Variants in NXN observed in about 807,000 individuals in gnomAD.
NXN encodes the protein nucleoredoxin 1.
In NXN, 16 loss-of-function variants were observed where a neutral mutation model predicts 48.6. The ratio of observed to expected loss-of-function variants is 0.33; its 90% confidence interval spans 0.22 to 0.50. NXN has a LOEUF of 0.50. Among genes scored for constraint, NXN ranks in the 20% least tolerant of loss-of-function variants. The probability of loss-of-function intolerance (pLI) is 0.98; values close to 1 mark genes in which losing one functional copy is unlikely to be tolerated. For missense variants in NXN, 492 were observed against 605.5 expected, an observed-to-expected ratio of 0.81 and a Z score of 1.97; for synonymous variants, 281 against 269.6, an observed-to-expected ratio of 1.04 and a Z score of -0.41.
intron 5 of NXN, among the ~76,000 whole-genome samples, chr17:813,614 C>T (rs546018802): frequency 6.6e-6 from 1 of 152,356 alleles, no homozygotes; most frequent in South Asian, 2.1e-4. Flanking sequence ...ACTGACGTTT[C>T]TGTGTGTCAA....
chr17:957,737 T>C (rs1158653473), intron 1 of NXN, among the ~76,000 whole-genome samples: 2 of 151,446 alleles, frequency 1.3e-5, no homozygotes, highest in Non-Finnish European at 2.9e-5. Context: ...GTCAAGGAGG[T>C]CAAACCTCCT....
At chr17:945,141 G>A (rs2069027775) in intron 1 of NXN, among the ~76,000 whole-genome samples, 1 of 152,030 alleles carries the variant, frequency 6.6e-6, no homozygotes, top group South Asian at 2.1e-4. Context: ...GAGTGCAGCG[G>A]CACAGTCTCG....
At chr17:899,019 A>C in intron 1 of NXN, among the ~76,000 whole-genome samples, 1 of 140,928 alleles carries the variant, frequency 7.1e-6, no homozygotes, top group Non-Finnish European at 1.6e-5. Flanking sequence ...GTGCAGTGGC[A>C]CGATCTTGGC....
intron 5 of NXN, among the ~76,000 whole-genome samples, chr17:808,193 C>T (rs1364065920): frequency 6.6e-6 from 1 of 152,230 alleles, no homozygotes; most frequent in Non-Finnish European, 1.5e-5. Flanking sequence ...GCACCACCCA[C>T]CTCCCTCTGC....
At chr17:848,365 T>C (rs994543827) in intron 1 of NXN, among the ~76,000 whole-genome samples, 3 of 152,108 alleles carry the variant, frequency 2.0e-5, no homozygotes, top group Non-Finnish European at 4.4e-5. Flanking sequence ...GGGCTCAAAC[T>C]CCTGACCTCA....
intron 1 of NXN, among the ~76,000 whole-genome samples, chr17:839,475 T>C (rs533829921): frequency 3.1e-4 from 47 of 151,194 alleles, no homozygotes; most frequent in African/African-American, 1.1e-3. Flanking sequence ...TAGGAAGTGT[T>C]CAAATACATG....
In NXN at chr17:822,363, G is replaced by T. The variant is rs1567817776; in HGVS notation, c.707C>A (p.Ala236Glu). The change falls in exon 4 of 8, where the codon GCA (alanine) becomes GAA (glutamate). Residue 236 changes from alanine (A) to glutamate (E), a missense_variant. Coordinates refer to ENST00000336868, the MANE Select transcript of NXN (RefSeq NM_022463.5). ...ACTTCACGGCACGACTGACCTGTCT[G>T]CACTAACGAAGATGATCTCGAAGTT... ...GQNFEIIFVS[A>E]DRSEESFKQY... is the part of the protein sequence containing the mutation. 6.2e-7 allele frequency: 1 copy of T among 1,612,276 alleles called. No homozygotes were observed. The highest frequency in any genetic ancestry group is 8.5e-7 in the Non-Finnish European group (1 of 1,178,366).
At chr17:967,316 C>G (rs74831515) in intron 1 of NXN, among the ~76,000 whole-genome samples, 3 of 152,196 alleles carry the variant, frequency 2.0e-5, no homozygotes, top group African/African-American at 7.2e-5. Flanking sequence ...GCCGATGGTC[C>G]TCAGGCCACT....
intron 2 of NXN, among the ~76,000 whole-genome samples, chr17:824,096 G>A (rs1912967255): frequency 6.7e-6 from 1 of 148,204 alleles, no homozygotes; most frequent in Non-Finnish European, 1.5e-5. Flanking sequence ...CTGGAGTGCA[G>A]TGGCGCAATC....
intron 1 of NXN, among the ~76,000 whole-genome samples, chr17:843,058 AG>A (rs1158958801): frequency 0.013 from 1,384 of 107,348 alleles, 12 homozygotes; most frequent in East Asian, 0.022. Flanking sequence ...GAAAGAAAGA[AG>A]GAAGAAAGCA....
chr17:859,721 G>A (rs911040583), intron 1 of NXN, among the ~76,000 whole-genome samples: 6 of 152,158 alleles, frequency 3.9e-5, no homozygotes, highest in Non-Finnish European at 7.4e-5. Context: ...GCGATTCAAT[G>A]GACCATCCAA....
At position 857,187 on chromosome 17, in the gene NXN, T is replaced by C. The variant is rs369263747; in HGVS notation, c.361-31109A>G. Among the ~76,000 whole-genome samples, 16 of 152,346 alleles carry C rather than the reference T, an allele frequency of 1.1e-4. 1 individual carries two copies. The highest frequency in any genetic ancestry group is 5.9e-4 in the Admixed American group (9 of 15,304). On this transcript the variant is annotated intron_variant, in intron 1 of 7. Transcript: ENST00000336868. ...GTGGACTCAGTGTCTGGTGAGGGCA[T>C]GATCCTCACAGATGGCGCCTTCTTG...
intron 5 of NXN, among the ~76,000 whole-genome samples, chr17:815,602 G>A (rs1295759333): frequency 1.3e-5 from 2 of 148,954 alleles, no homozygotes; most frequent in Non-Finnish European, 3.0e-5. Context: ...GAGGGCGAGT[G>A]TCCACTCTAG....
At chr17:875,264 T>A (rs978706416) in intron 1 of NXN, among the ~76,000 whole-genome samples, 2 of 152,090 alleles carry the variant, frequency 1.3e-5, no homozygotes, top group African/African-American at 4.8e-5. Context: ...ACTCCTGACC[T>A]CAGGTGATCC....
chr17:866,515 T>C (rs950503012), intron 1 of NXN, among the ~76,000 whole-genome samples: 3 of 152,098 alleles, frequency 2.0e-5, no homozygotes, highest in Admixed American at 6.6e-5. Context: ...GAGCATGCAG[T>C]GAGCTGAGAT....
At chr17:960,006 C>T (rs955645702) in intron 1 of NXN, among the ~76,000 whole-genome samples, 5 of 151,938 alleles carry the variant, frequency 3.3e-5, no homozygotes, top group African/African-American at 9.7e-5. Context: ...GCAGGAGAAT[C>T]GCTTGAACCC....
chr17:912,312 C>T (rs1465031120), intron 1 of NXN, among the ~76,000 whole-genome samples: 2 of 152,040 alleles, frequency 1.3e-5, no homozygotes, highest in Non-Finnish European at 2.9e-5. Flanking sequence ...TTCAAACCAA[C>T]GTTGTTTGAG....
intron 1 of NXN, among the ~76,000 whole-genome samples, chr17:940,136 G>A (rs908626206): frequency 6.6e-6 from 1 of 150,844 alleles, no homozygotes; most frequent in African/African-American, 2.4e-5. Flanking sequence ...ATCGAGGTGG[G>A]GGGGTCTCAG....
rs140531690 is a variant in NXN at position 956,571 on chromosome 17, G to A, written c.360+22748C>T. On this transcript the variant is annotated intron_variant, in intron 1 of 7. Coordinates refer to ENST00000336868, the MANE Select transcript of NXN (RefSeq NM_022463.5). The surrounding 1 kb of genome is among the most constrained non-coding windows in gnomAD (Gnocchi z 4.1). The stretch of plus-strand genomic sequence containing the variant: ...TGGGACTACAGGCGCCCGCCACCAC[G>A]TCCGGCTAATTTTTTGTATTTTTAG... Among the ~76,000 whole-genome samples the A allele has an allele frequency of 4.6e-5, 7 of 152,086 alleles. No homozygotes were observed. In the East Asian group the frequency reaches 1.2e-3, roughly 25 times the overall value.
Sources: allele counts gnomAD v4.1 joint callset (sites outside exome capture counted in the v4.1 genomes callset), GRCh38; gene constraint gnomAD v4.1.1; non-coding constraint Gnocchi (gnomAD v3.1); transcripts MANE v1.5; gene names NCBI Gene and HGNC (gene_info 2026-07-23, HGNC 2026-07-21).